BANK1: variants seen among roughly 807,000 people sequenced by gnomAD.
BANK1 encodes the protein B cell scaffold protein with ankyrin repeats 1.
BANK1 carries 95 observed loss-of-function variants against 94.5 expected under a neutral mutation model. That is an observed-to-expected ratio of 1.00 (90% confidence interval 0.85 to 1.19). The LOEUF (loss-of-function observed/expected upper bound fraction) is 1.19. Ranked by LOEUF, BANK1 falls within the 50% of genes most tolerant of loss-of-function variation. The pLI is 0.00. For missense variants in BANK1, 987 were observed against 932.2 expected (o/e 1.06, Z -0.77); for synonymous variants, 334 against 308.4 (o/e 1.08, Z -0.87).
chr4:101,877,356 TAGTA>T (rs1728528993), intron 5 of BANK1, among the ~76,000 whole-genome samples: 1 of 152,174 alleles, frequency 6.6e-6, no homozygotes, highest in Non-Finnish European at 1.5e-5. Context: ...TTACTAGTAA[TAGTA>T]AGTACACAGA....
chr4:101,977,975 G>T (rs199573847), intron 7 of BANK1, among the ~76,000 whole-genome samples: 1 of 95,880 alleles, frequency 1.0e-5, no homozygotes, highest in Admixed American at 9.7e-5. Flanking sequence ...TTGTTTGTTT[G>T]TTTTTTGAGA....
chr4:101,980,745 T>G, intron 7 of BANK1, among the ~76,000 whole-genome samples: 1 of 152,062 alleles, frequency 6.6e-6, no homozygotes, highest in Non-Finnish European at 1.5e-5. Context: ...CTTCATCTTC[T>G]TTCATGTTTG....
chr4:101,827,724 C>A (rs1726418928), intron 1 of BANK1, among the ~76,000 whole-genome samples: 1 of 151,824 alleles, frequency 6.6e-6, no homozygotes, highest in Admixed American at 6.6e-5. Context: ...ATTACAGTTA[C>A]ACTTTCATAT....
chr4:102,063,651 A>G (rs1248601419), intron 13 of BANK1, among the ~76,000 whole-genome samples: 2 of 151,618 alleles, frequency 1.3e-5, no homozygotes, highest in African/African-American at 2.4e-5. Flanking sequence ...GTGAAACCCC[A>G]TCTCTACTAA....
intron 12 of BANK1, chr4:102,061,586 T>C (rs1304065487): frequency 6.6e-6 from 1 of 152,248 alleles, no homozygotes; most frequent in African/African-American, 2.4e-5. Flanking sequence ...TTAGATTTTA[T>C]AGATTTTGTT....
intron 10 of BANK1, among the ~76,000 whole-genome samples, chr4:102,038,503 G>A (rs936387247): frequency 2.0e-5 from 3 of 152,072 alleles, no homozygotes; most frequent in African/African-American, 7.2e-5. Flanking sequence ...CTCATGGGAG[G>A]AGACTAACCC....
chr4:101,795,129 T>C (rs1560577000), intron 1 of BANK1, among the ~76,000 whole-genome samples: 1 of 152,144 alleles, frequency 6.6e-6, no homozygotes, highest in Non-Finnish European at 1.5e-5. Context: ...TTCTCATTCC[T>C]TTTTTGTTAC....
intron 10 of BANK1, among the ~76,000 whole-genome samples, chr4:102,041,892 T>G (rs1727715306): frequency 6.6e-6 from 1 of 152,024 alleles, no homozygotes; most frequent in African/African-American, 2.4e-5. Context: ...TCCAGTAACA[T>G]ATAAGGTGTA....
intron 11 of BANK1, among the ~76,000 whole-genome samples, chr4:102,059,609 C>A (rs1344273170): frequency 2.0e-5 from 3 of 152,156 alleles, no homozygotes; most frequent in African/African-American, 7.2e-5. Context: ...AGCCAGGCCA[C>A]AAATTCCTTT....
At chr4:102,021,065 A>G (rs1391788341) in intron 7 of BANK1, among the ~76,000 whole-genome samples, 1 of 152,176 alleles carries the variant, frequency 6.6e-6, no homozygotes, top group Non-Finnish European at 1.5e-5. Context: ...TCTTTTTTGT[A>G]AAGATGGAGA....
chr4:101,937,826 CTT>C (rs1723620320), intron 7 of BANK1, among the ~76,000 whole-genome samples: 1 of 151,820 alleles, frequency 6.6e-6, no homozygotes, highest in Admixed American at 6.6e-5. Flanking sequence ...ATAGCAAAGA[CTT>C]TGAACCAACC....
At chr4:102,039,404 A>G (rs1727631556) in intron 10 of BANK1, among the ~76,000 whole-genome samples, 1 of 152,174 alleles carries the variant, frequency 6.6e-6, no homozygotes, top group Non-Finnish European at 1.5e-5. Context: ...ATGACTGCTT[A>G]TACGGTTAAA....
chr4:101,965,847 T>A (rs182058637), intron 7 of BANK1, among the ~76,000 whole-genome samples: 1 of 152,200 alleles, frequency 6.6e-6, no homozygotes, highest in Non-Finnish European at 1.5e-5. Flanking sequence ...GGAATTTTCA[T>A]TTGATAATAG....
At chr4:101,860,418 CTTTCT>C (rs907660818) in intron 3 of BANK1, among the ~76,000 whole-genome samples, 1 of 103,134 alleles carries the variant, frequency 9.7e-6, no homozygotes, top group Non-Finnish European at 1.9e-5. Context: ...GGAGTCCTGA[CTTTCT>C]TTTTTTTTTA....
intron 6 of BANK1, among the ~76,000 whole-genome samples, chr4:101,912,669 G>T (rs1578394881): frequency 6.7e-6 from 1 of 149,222 alleles, no homozygotes; most frequent in Non-Finnish European, 1.5e-5. Flanking sequence ...ATATTGGCAG[G>T]TCTGAAATAT....
intron 5 of BANK1, among the ~76,000 whole-genome samples, chr4:101,883,036 A>G (rs931267910): frequency 2.0e-5 from 3 of 152,166 alleles, no homozygotes; most frequent in Non-Finnish European, 4.4e-5. Flanking sequence ...TCACTTTTTC[A>G]TATTATTTGT....
intron 2 of BANK1, among the ~76,000 whole-genome samples, chr4:101,854,439 CT>C (rs1233456137): frequency 6.6e-6 from 1 of 152,082 alleles, no homozygotes; most frequent in African/African-American, 2.4e-5. Flanking sequence ...TTTCAGTGTT[CT>C]TAGTAATACT....
chr4:101,958,639 A>G (rs1050610805), intron 7 of BANK1, among the ~76,000 whole-genome samples: 2 of 152,176 alleles, frequency 1.3e-5, no homozygotes, highest in Admixed American at 1.3e-4. Flanking sequence ...TGATCACTCT[A>G]CTATGGCCAC....
chr4:102,027,790 A>G (rs1727153853), intron 9 of BANK1, among the ~76,000 whole-genome samples: 1 of 152,136 alleles, frequency 6.6e-6, no homozygotes, highest in African/African-American at 2.4e-5. Flanking sequence ...TTTACAGTTT[A>G]TAAAGAACCC....
Sources: allele counts gnomAD v4.1 joint callset (sites outside exome capture counted in the v4.1 genomes callset), GRCh38; gene constraint gnomAD v4.1.1; transcripts MANE v1.5; gene names NCBI Gene and HGNC (gene_info 2026-07-23, HGNC 2026-07-21).